The following MIS18BP1 variants were observed in gnomAD, a reference collection of about 807,000 sequenced individuals.
MIS18BP1 encodes the protein mis18-binding protein 1.
MIS18BP1 carries 72 observed loss-of-function variants against 116.1 expected under a neutral mutation model. The ratio of observed to expected loss-of-function variants is 0.62; its 90% CI spans 0.51 to 0.75. MIS18BP1 has a LOEUF of 0.75. Among genes scored for constraint, MIS18BP1 ranks in the 30% least tolerant of loss-of-function variants. The probability of loss-of-function intolerance (pLI) is 0.00; values close to 1 mark genes in which losing one functional copy is unlikely to be tolerated. For missense variants in MIS18BP1, 1,363 were observed against 1,303.2 expected (o/e 1.05, Z -0.71); for synonymous variants, 386 against 427.0 (o/e 0.90, Z 1.18).
chr14:45,222,611 C>T (rs1261627111), intron 11 of MIS18BP1, among the ~76,000 whole-genome samples: 3 of 152,148 alleles, frequency 2.0e-5, no homozygotes, highest in African/African-American at 2.4e-5. Flanking sequence ...GTGTGGGACA[C>T]TGAGTAGCTA....
intron 13 of MIS18BP1, among the ~76,000 whole-genome samples, chr14:45,214,450 A>C (rs1199039812): frequency 6.6e-6 from 1 of 152,036 alleles, no homozygotes; most frequent in African/African-American, 2.4e-5. Flanking sequence ...CTATTACCCT[A>C]CTGTCCTGCC....
chr14:45,222,355 A>C (rs1890998120), intron 11 of MIS18BP1, among the ~76,000 whole-genome samples: 1 of 151,968 alleles, frequency 6.6e-6, no homozygotes, highest in South Asian at 2.1e-4. Context: ...ATTTTAATTT[A>C]TGTTTGAAAT....
chr14:45,227,899 A>T, intron 8 of MIS18BP1, 85 bp from the exon 9 acceptor site: 1 of 1,387,736 alleles, frequency 7.2e-7, no homozygotes, highest in Non-Finnish European at 1.0e-6. Context: ...CTTTGACGCT[A>T]GGTGTGGTGG....
chr14:45,231,298 C>T lies in MIS18BP1; in HGVS notation c.1437G>A (p.Arg479=), dbSNP rs1470518911. ...EHIDNFLEQL[R]AGEKNREKTK... ...TCTTTTCCCTGTTCTTTTCACCAGC[C>T]CTTTAAAAACAATTATTTTATTTTT... Residue 479 remains arginine, a splice_region_variant and synonymous_variant, in exon 8 of 17, where the codon AGG becomes AGA. Coordinates refer to ENST00000310806, the MANE Select transcript of MIS18BP1 (RefSeq NM_018353.5). 19 of 1,569,948 alleles carry T rather than the reference C, an allele frequency of 1.2e-5. No individual in the cohort carries two copies. Among genetic ancestry groups the T allele is most frequent in the Non-Finnish European group, 1.2e-5 (14 of 1,162,206 alleles).
At chr14:45,236,498 G>GA (rs957185941) in intron 5 of MIS18BP1, among the ~76,000 whole-genome samples, 2 of 151,920 alleles carry the variant, frequency 1.3e-5, no homozygotes, top group South Asian at 2.1e-4. Context: ...ATATGAAATA[G>GA]AAAAAAATAT....
chr14:45,251,652 T>C (rs1170967367), intron 1 of MIS18BP1, among the ~76,000 whole-genome samples: 1 of 151,832 alleles, frequency 6.6e-6, no homozygotes, highest in African/African-American at 2.4e-5. Flanking sequence ...TCAGCACATA[T>C]GACAAAGGGC....
Position 45,204,422 on chromosome 14 carries a change from C to T in MIS18BP1, c.3272G>A (p.Arg1091Lys), listed in dbSNP as rs776661119. 15 of 1,606,364 alleles carry T rather than the reference C, an allele frequency of 9.3e-6. No individual in the cohort carries two copies. The South Asian group carries it at 1.2e-4, about 13-fold the overall frequency. The change falls in exon 16 of 17, where the codon AGA (arginine) becomes AAA (lysine). Residue 1091 changes from arginine (R) to lysine (K), a missense_variant. Coordinates refer to ENST00000310806, the MANE Select transcript of MIS18BP1 (RefSeq NM_018353.5). ...ACCTGTGTTAAATGGGGTTTTCCTTCTTGGTGTTGGAGTTGAGAAATCAGT... is the reference window on the plus strand; with the variant it reads ...ACCTGTGTTAAATGGGGTTTTCCTTTTTGGTGTTGGAGTTGAGAAATCAGT... ...VETDFSTPTP[R>K]RKTPFNTDLG...
chr14:45,235,692 TTTTGA>T, intron 6 of MIS18BP1, 117 bp downstream of exon 6: 1 of 775,614 alleles, frequency 1.3e-6, no homozygotes, highest in South Asian at 3.3e-5. Flanking sequence ...ATATCAGTTG[TTTTGA>T]TTTATTCATA....
rs546807245 is a variant in MIS18BP1, at chr14:45,246,815, A to AT, written c.471dup (p.Leu158IlefsTer8). ...TCTTCACATAGGTAGGTATGCTGCAATTTTTTTTTTTCAACTCTGTTAGGA... is the reference window on the plus strand; with the variant it reads ...TCTTCACATAGGTAGGTATGCTGCAATTTTTTTTTTTTCAACTCTGTTAGGA... On this transcript the variant is annotated frameshift_variant, in exon 2 of 17. Transcript: ENST00000310806. LOFTEE classifies it high-confidence loss of function. The AT allele has an allele frequency of 0.02, 21,761 of 1,107,806 alleles. No homozygotes were observed. The highest frequency in any genetic ancestry group is 0.037 in the South Asian group (2,088 of 56,228). 68.6% of individuals were successfully genotyped at this position (1,107,806 alleles called of 1,614,324 possible).
Position 45,242,830 on chromosome 14 carries a change from A to G in MIS18BP1, c.589T>C (p.Phe197Leu). 1 of 1,613,470 alleles carries G rather than the reference A, an allele frequency of 6.2e-7. No homozygotes were observed. The highest frequency in any genetic ancestry group is 1.3e-5 in the African/African-American group (1 of 75,032). The change falls in exon 3 of 17, where the codon TTC becomes CTC. Residue 197 changes from phenylalanine to leucine, a missense_variant. By Grantham distance (22) the Phe-to-Leu change is conservative (BLOSUM62 0). Transcript: ENST00000310806. ...VPLESSNNDI[F>L]LPVKQKIQCQ... ...TGAATCTTTTGTTTGACCGGGAGGAAAATATCATTATTTGATGATTCTAGA... is the reference window on the plus strand; with the variant it reads ...TGAATCTTTTGTTTGACCGGGAGGAGAATATCATTATTTGATGATTCTAGA...
At position 45,237,715 on chromosome 14, in the gene MIS18BP1, G is replaced by A. The variant is rs777637496; in HGVS notation, c.1150C>T (p.Gln384Ter). Residue 384 changes from glutamine to a stop codon, truncating the protein, a stop_gained, in exon 5 of 17, where the codon CAG becomes TAG. Transcript: ENST00000310806. LOFTEE classifies it high-confidence loss of function. The stretch of plus-strand genomic sequence containing the variant: ...CTTTTAATCATCCATTCCTGTAGCT[G>A]AACTACCTAATCAAGTATAAAACAA... The part of the protein sequence containing the change: ...TNGLKKNQVV[Q>*]LQEWMIKSIN... The A allele has an allele frequency of 3.8e-6, 6 of 1,599,914 alleles. No individual in the cohort carries two copies. The Admixed American group carries it at 1.1e-4, about 28-fold the overall frequency.
At chr14:45,219,468 C>G (rs1393487913) in intron 11 of MIS18BP1, among the ~76,000 whole-genome samples, 1 of 151,816 alleles carries the variant, frequency 6.6e-6, no homozygotes, top group African/African-American at 2.4e-5. Flanking sequence ...TTCCACCATA[C>G]CACAGAGGTG....
At chr14:45,220,472 A>G (rs970039902) in intron 11 of MIS18BP1, among the ~76,000 whole-genome samples, 1 of 152,198 alleles carries the variant, frequency 6.6e-6, no homozygotes, top group African/African-American at 2.4e-5. Context: ...TAGATTCCTC[A>G]TGAATGATTT....
At position 45,223,968 on chromosome 14, in the gene MIS18BP1, A is replaced by C; in HGVS notation, c.2619T>G (p.Gly873=). 6.2e-7 allele frequency: 1 copy of C among 1,602,576 alleles called. No homozygotes were observed. The highest frequency in any genetic ancestry group is 8.5e-7 in the Non-Finnish European group (1 of 1,177,290). Residue 873 remains glycine (G), a synonymous_variant, in exon 11 of 17, where the codon GGT becomes GGG. Transcript: ENST00000310806. ...CATTCCATTCCTTATCCTGAATTAA[A>C]CCAGGTAAGCATTCTAAGGGATGCC... The part of the protein sequence containing the change: ...TNRHPLECLP[G]LIQDKEWNEK...
chr14:45,206,003 T>C (rs984213550), intron 15 of MIS18BP1, 80 bp downstream of exon 15: 1 of 887,822 alleles, frequency 1.1e-6, no homozygotes, highest in Non-Finnish European at 1.8e-6. Flanking sequence ...CAGGGACTGT[T>C]ACATGACTTA....
intron 1 of MIS18BP1, among the ~76,000 whole-genome samples, chr14:45,252,204 G>GA (rs1410402034): frequency 6.6e-6 from 1 of 152,090 alleles, no homozygotes; most frequent in Non-Finnish European, 1.5e-5. Flanking sequence ...ACTACACAGG[G>GA]AAGTTCACTG....
rs1177703592 is a variant in MIS18BP1 at position 45,235,545 on chromosome 14, G to A, written c.1348+269C>T. Among the ~76,000 whole-genome samples, 63 of 141,240 alleles carry A rather than the reference G, an allele frequency of 4.5e-4. No individual in the cohort carries two copies. In the Middle Eastern group the frequency reaches 0.019, roughly 42 times the overall value. 92.7% of individuals were successfully genotyped at this position (141,240 alleles called of 152,430 possible). ...ATGGAGGTTGCAGTGAGCCGAGATC[G>A]TGCCACTGCACTCCAGCCTGGGTGA... On this transcript the variant is annotated intron_variant, in intron 6 of 16. Coordinates refer to ENST00000310806, the MANE Select transcript of MIS18BP1 (RefSeq NM_018353.5).
chr14:45,248,352 C>A (rs1215496535), intron 1 of MIS18BP1, among the ~76,000 whole-genome samples: 1 of 151,950 alleles, frequency 6.6e-6, no homozygotes, highest in Non-Finnish European at 1.5e-5. Flanking sequence ...CAGGTGTGAG[C>A]CACCGCGCCC....
intron 13 of MIS18BP1, among the ~76,000 whole-genome samples, chr14:45,215,288 T>C (rs545231818): frequency 4.6e-5 from 7 of 152,320 alleles, no homozygotes; most frequent in Non-Finnish European, 8.8e-5. Context: ...CCTTTTTAAA[T>C]TGAAGATAAT....
Sources: gnomAD v4.1 joint callset for allele counts (sites outside exome capture counted in the v4.1 genomes callset) on GRCh38, gnomAD v4.1.1 for gene constraint, MANE v1.5 for transcripts, NCBI Gene and HGNC (gene_info 2026-07-23, HGNC 2026-07-21) for gene names.